SCIN: variants seen among roughly 807,000 people sequenced by gnomAD.
SCIN encodes adseverin.
A neutral mutation model predicts 91.8 loss-of-function variants in SCIN; 91 were observed. That is an observed-to-expected ratio of 0.99 (90% CI 0.84 to 1.18). The LOEUF (loss-of-function observed/expected upper bound fraction) is 1.18, where lower values mean the gene tolerates loss of function less well. Ranked by LOEUF, SCIN falls within the 50% of genes most tolerant of loss-of-function variation. The probability of loss-of-function intolerance (pLI) is 0.00; values close to 1 mark genes in which losing one functional copy is unlikely to be tolerated. For synonymous variants in SCIN, 367 were observed against 312.6 expected (o/e 1.17, Z -1.84); for missense variants, 1,087 against 863.9 (o/e 1.26, Z -3.24).
intron 3 of SCIN, among the ~76,000 whole-genome samples, chr7:12,593,948 A>G (rs1286738750): frequency 6.6e-6 from 1 of 152,236 alleles, no homozygotes; most frequent in Non-Finnish European, 1.5e-5. Flanking sequence ...AGATTGAGTA[A>G]GATATTTAAA....
Position 12,576,222 on chromosome 7 carries a change from G to A in SCIN, c.200-1842G>A, listed in dbSNP as rs142439386. Reference sequence around the variant, plus strand: ...TTTATGGTATTCTCAGTTAGGGTTCGGATCCCAAATCGGCAGAAGAATGAC... The same window carrying A: ...TTTATGGTATTCTCAGTTAGGGTTCAGATCCCAAATCGGCAGAAGAATGAC... On this transcript the variant is annotated intron_variant, in intron 1 of 15. Transcript: ENST00000297029. 1.5e-4 allele frequency among the ~76,000 whole-genome samples: 23 copies of A among 152,146 alleles called. No homozygotes were observed. The East Asian group carries it at 4.0e-3, about 27-fold the overall frequency.
chr7:12,612,616 T>C, intron 4 of SCIN, among the ~76,000 whole-genome samples: 1 of 152,184 alleles, frequency 6.6e-6, no homozygotes, highest in East Asian at 1.9e-4. Context: ...TCCAGCTATT[T>C]AGATCTACCA....
chr7:12,632,696 G>C (rs1277334382), intron 9 of SCIN, among the ~76,000 whole-genome samples: 1 of 152,114 alleles, frequency 6.6e-6, no homozygotes, highest in African/African-American at 2.4e-5. Context: ...AGCATAAATG[G>C]GTAGTGTTTT....
intron 10 of SCIN, among the ~76,000 whole-genome samples, chr7:12,639,361 T>C (rs1200303498): frequency 6.6e-6 from 1 of 152,244 alleles, no homozygotes; most frequent in Non-Finnish European, 1.5e-5. Flanking sequence ...ATTTATGAAG[T>C]CAATTATTTT....
At chr7:12,636,505 TC>T (rs1326361571) in intron 10 of SCIN, among the ~76,000 whole-genome samples, 1 of 152,196 alleles carries the variant, frequency 6.6e-6, no homozygotes, top group Non-Finnish European at 1.5e-5. Flanking sequence ...GGTGTTCATG[TC>T]CTAATCCTCA....
rs1436853482 is a variant in SCIN at position 12,581,128 on chromosome 7, T to C, written c.423T>C (p.His141=). 3 of 1,551,478 alleles carry C rather than the reference T, an allele frequency of 1.9e-6. No individual in the cohort carries two copies. Among genetic ancestry groups the C allele is most frequent in the Non-Finnish European group, 2.6e-6 (3 of 1,146,834 alleles). Residue 141 remains histidine (H), a synonymous_variant, in exon 3 of 16, where the codon CAT becomes CAC. Coordinates refer to ENST00000297029, the MANE Select transcript of SCIN (RefSeq NM_001112706.3). ...TNDLTAKRLL[H]VKGRRVVRAT... ...ACCTGACAGCCAAGAGGCTCCTACA[T>C]GTGAAGGGTCGTAGAGTGGTGAGAG...
At chr7:12,626,353 A>T (rs1215757512) in intron 7 of SCIN, 2 of 503,242 alleles carry the variant, frequency 4.0e-6, no homozygotes, top group Non-Finnish European at 7.0e-6. Context: ...TAGAAAGACA[A>T]ACTTATTTTA....
At position 12,657,923 on chromosome 7, in the gene SCIN, T is replaced by C. The variant is rs1486132274; in HGVS notation, c.*5208T>C. 1 of 152,146 alleles carries C rather than the reference T, an allele frequency of 6.6e-6. No homozygotes were observed. The highest frequency in any genetic ancestry group is 6.5e-5 in the Admixed American group (1 of 15,272). 9.4% of individuals were successfully genotyped at this position (152,146 alleles called of 1,614,324 possible). A position where few individuals can be genotyped will look rare whatever the true frequency, so the allele number is the denominator to read the frequency against. On this transcript the variant is annotated 3_prime_UTR_variant, in exon 16 of 16. Coordinates refer to ENST00000297029, the MANE Select transcript of SCIN (RefSeq NM_001112706.3). ...CATATTTCCTGTTGCCTATAAAAAA[T>C]TGATGCTTTAATTTAGTTAACATGA...
In SCIN at chr7:12,651,841, A is replaced by G; in HGVS notation, c.1960A>G (p.Ile654Val). The change falls in exon 15 of 16, where the codon ATA becomes GTA. Residue 654 changes from isoleucine to valine, a missense_variant and splice_region_variant. Coordinates refer to ENST00000297029, the MANE Select transcript of SCIN (RefSeq NM_001112706.3). The surrounding 1 kb of genome is among the most constrained non-coding windows in gnomAD (Gnocchi z 5.9). ...DVMLLDAWEQ[I>V]FIWIGKDANE... ...ATATTGTTATTGTTTCATTTTTCAG[A>G]TATTTATTTGGATTGGCAAAGATGC... 1.3e-6 allele frequency: 2 copies of G among 1,574,066 alleles called. No individual in the cohort carries two copies. The highest frequency in any genetic ancestry group is 1.7e-6 in the Non-Finnish European group (2 of 1,150,910).
chr7:12,571,958 A>C (rs1446638693), intron 1 of SCIN, among the ~76,000 whole-genome samples: 3 of 152,136 alleles, frequency 2.0e-5, no homozygotes, highest in African/African-American at 7.2e-5. Context: ...CCTTCTTTTA[A>C]AACTAGCTAG....
rs1180175068 is a variant in SCIN, at chr7:12,581,135, G to T, written c.430G>T (p.Gly144Cys). The stretch of plus-strand genomic sequence containing the variant: ...AGCCAAGAGGCTCCTACATGTGAAG[G>T]GTCGTAGAGTGGTGAGAGCCACAGA... ...LTAKRLLHVK[G>C]RRVVRATEVP... Residue 144 changes from glycine (G) to cysteine (C), a missense_variant, in exon 3 of 16, where the codon GGT becomes TGT. Transcript: ENST00000297029. 2 of 1,551,464 alleles carry T rather than the reference G, an allele frequency of 1.3e-6. No homozygotes were observed. The highest frequency in any genetic ancestry group is 8.7e-7 in the Non-Finnish European group (1 of 1,146,830).
At chr7:12,613,299 G>T (rs945984273) in intron 4 of SCIN, among the ~76,000 whole-genome samples, 10 of 152,034 alleles carry the variant, frequency 6.6e-5, no homozygotes, top group African/African-American at 1.9e-4. Flanking sequence ...ATATAAAAGG[G>T]CCAGGTCTCT....
chr7:12,571,385 T>C, intron 1 of SCIN: 1 of 336,578 alleles, frequency 3.0e-6, no homozygotes, highest in South Asian at 2.7e-5. Context: ...GCTTTCCCTG[T>C]CGGGATGGAG....
Position 12,591,020 on chromosome 7 carries a change from ATCCAGCAATCTGGGGGGTAGC to A in SCIN, c.516+9801_516+9821del, listed in dbSNP as rs1257763325. The stretch of plus-strand genomic sequence containing the variant: ...ACTTGGTCAAGGGAAACAACTGCAT[ATCCAGCAATCTGGGGGGTAGC>A]TGGTGGGCCTGGAAGAGGAGCCATC... On this transcript the variant is annotated intron_variant, in intron 3 of 15. Coordinates refer to ENST00000297029, the MANE Select transcript of SCIN (RefSeq NM_001112706.3). 1.8e-4 allele frequency among the ~76,000 whole-genome samples: 28 copies of A among 152,244 alleles called. 1 individual carries two copies. The East Asian group carries it at 5.4e-3, about 30-fold the overall frequency.
Position 12,625,144 on chromosome 7 carries a change from TA to T in SCIN, c.892+8del. The T allele has an allele frequency of 6.2e-7, 1 of 1,607,224 alleles. No individual in the cohort carries two copies. The highest frequency in any genetic ancestry group is 8.5e-7 in the Non-Finnish European group (1 of 1,177,036). ...CCAAACAAATTTTCGTATGGAAAGG[TA>T]AAAAATTCCATTGACGATGCTGTAT... On this transcript the variant is annotated splice_donor_region_variant and intron_variant, in intron 6 of 15. Coordinates refer to ENST00000297029, the MANE Select transcript of SCIN (RefSeq NM_001112706.3).
intron 3 of SCIN, among the ~76,000 whole-genome samples, chr7:12,602,033 C>A (rs1015749017): frequency 6.6e-6 from 1 of 152,052 alleles, no homozygotes; most frequent in African/African-American, 2.4e-5. Context: ...GGTTTAAGCC[C>A]CAGGTTGGGA....
intron 13 of SCIN, among the ~76,000 whole-genome samples, chr7:12,645,959 T>A (rs965791839): frequency 1.3e-5 from 2 of 152,244 alleles, no homozygotes; most frequent in Admixed American, 1.3e-4. Flanking sequence ...CAATCATTAT[T>A]TCTGATCAAA....
At chr7:12,590,521 C>T (rs917839102) in intron 3 of SCIN, among the ~76,000 whole-genome samples, 1 of 151,844 alleles carries the variant, frequency 6.6e-6, no homozygotes, top group Admixed American at 6.6e-5. Context: ...TTGGTCTGCT[C>T]TTAGGGGAGG....
chr7:12,640,981 C>T (rs1355353541), intron 11 of SCIN, among the ~76,000 whole-genome samples: 1 of 152,142 alleles, frequency 6.6e-6, no homozygotes. Context: ...TTTCTGACAG[C>T]AGCTGGGATC....
Sources: allele counts gnomAD v4.1 joint callset (sites outside exome capture counted in the v4.1 genomes callset), GRCh38; gene constraint gnomAD v4.1.1; non-coding constraint Gnocchi (gnomAD v3.1); transcripts MANE v1.5; gene names NCBI Gene and HGNC (gene_info 2026-07-23, HGNC 2026-07-21).